EPHA6: variants seen among roughly 807,000 people sequenced by gnomAD.
The protein encoded by EPHA6 is ephrin type-A receptor 6.
A neutral mutation model predicts 112.0 loss-of-function variants in EPHA6; 50 were observed. The observed-to-expected ratio is 0.45, with a 90% CI of 0.36 to 0.56. The LOEUF (loss-of-function observed/expected upper bound fraction) is 0.56, where lower values mean the gene tolerates loss of function less well. Ranked by LOEUF, EPHA6 falls within the 20% of genes least tolerant of loss-of-function variation. EPHA6 has a pLI of 0.00. For missense variants in EPHA6, 1,280 were observed against 1,417.4 expected (o/e 0.90, Z 1.56); for synonymous variants, 529 against 490.7 (o/e 1.08, Z -1.03).
intron 3 of EPHA6, among the ~76,000 whole-genome samples, chr3:97,041,408 TG>T (rs1461192152): frequency 1.6e-4 from 24 of 152,228 alleles, no homozygotes; most frequent in African/African-American, 5.8e-4. Context: ...AAGCACTGAC[TG>T]CTGTCTTGTA....
chr3:97,143,936 T>G (rs2075973891), intron 3 of EPHA6, among the ~76,000 whole-genome samples: 1 of 151,008 alleles, frequency 6.6e-6, no homozygotes, highest in African/African-American at 2.5e-5. Flanking sequence ...GATTACATAA[T>G]TGTTTTGAGA....
chr3:97,455,556 T>C (rs1436237168), intron 7 of EPHA6, among the ~76,000 whole-genome samples: 5 of 152,034 alleles, frequency 3.3e-5, no homozygotes, highest in African/African-American at 1.2e-4. Context: ...TTTTTTATTA[T>C]TACCTCCAAT....
At chr3:96,816,272 C>A (rs1418427705) in intron 1 of EPHA6, among the ~76,000 whole-genome samples, 1 of 152,158 alleles carries the variant, frequency 6.6e-6, no homozygotes, top group South Asian at 2.1e-4. Context: ...TTTAAACTGA[C>A]AGAATGCAAT....
At chr3:96,908,060 G>A (rs1256082416) in intron 2 of EPHA6, among the ~76,000 whole-genome samples, 1 of 151,932 alleles carries the variant, frequency 6.6e-6, no homozygotes, top group Non-Finnish European at 1.5e-5. Context: ...TGTGTAGCAT[G>A]TTCCTGTATG....
chr3:97,454,770 A>G (rs1332222899), intron 7 of EPHA6, among the ~76,000 whole-genome samples: 1 of 151,860 alleles, frequency 6.6e-6, no homozygotes, highest in Admixed American at 6.6e-5. Context: ...TACTGCTTCA[A>G]TTACTTAGGA....
chr3:97,208,423 G>T (rs2077771264), intron 3 of EPHA6, among the ~76,000 whole-genome samples: 1 of 152,082 alleles, frequency 6.6e-6, no homozygotes, highest in Non-Finnish European at 1.5e-5. Flanking sequence ...TCATTATGAA[G>T]TTCAGGCACT....
intron 5 of EPHA6, among the ~76,000 whole-genome samples, chr3:97,313,173 G>A (rs2108758595): frequency 6.6e-6 from 1 of 151,476 alleles, no homozygotes; most frequent in East Asian, 1.9e-4. Context: ...TGGTATTTGT[G>A]TTTCTTTGTC....
intron 5 of EPHA6, among the ~76,000 whole-genome samples, chr3:97,404,699 A>T (rs183990420): frequency 1.3e-5 from 2 of 152,288 alleles, no homozygotes; most frequent in East Asian, 3.9e-4. Context: ...AAAGCTTATA[A>T]TATAAACTTT....
chr3:97,168,312 C>G (rs2076591267), intron 3 of EPHA6, among the ~76,000 whole-genome samples: 1 of 152,070 alleles, frequency 6.6e-6, no homozygotes, highest in Non-Finnish European at 1.5e-5. Context: ...GCTCTGTGTT[C>G]CCACCCAAAT....
intron 10 of EPHA6, among the ~76,000 whole-genome samples, chr3:97,508,454 C>G (rs555310203): frequency 6.6e-6 from 1 of 152,156 alleles, no homozygotes; most frequent in African/African-American, 2.4e-5. Context: ...TGTTGAGTTT[C>G]CATGTAGTTG....
At chr3:96,928,447 C>G (rs567697536) in intron 2 of EPHA6, among the ~76,000 whole-genome samples, 59 of 152,236 alleles carry the variant, frequency 3.9e-4, no homozygotes, top group African/African-American at 1.4e-3. Flanking sequence ...TGAGTTTAAT[C>G]TTTAGTTCTA....
At chr3:96,844,000 C>T (rs2034916329) in intron 1 of EPHA6, among the ~76,000 whole-genome samples, 1 of 151,942 alleles carries the variant, frequency 6.6e-6, no homozygotes, top group South Asian at 2.1e-4. Context: ...CTAAATCTTT[C>T]TTTCTTTGAA....
intron 3 of EPHA6, among the ~76,000 whole-genome samples, chr3:97,123,942 G>A (rs143543331): frequency 1.2e-4 from 19 of 152,026 alleles, no homozygotes; most frequent in Non-Finnish European, 2.2e-4. Flanking sequence ...CTCCTGAGTA[G>A]TTTATCTGAT....
chr3:96,876,140 T>C (rs189389314), intron 2 of EPHA6, among the ~76,000 whole-genome samples: 1 of 150,874 alleles, frequency 6.6e-6, no homozygotes, highest in East Asian at 1.9e-4. Flanking sequence ...TATATTTTTT[T>C]TTTTTTTGTA....
At chr3:97,560,864 A>G (rs2093179847) in intron 11 of EPHA6, among the ~76,000 whole-genome samples, 2 of 151,994 alleles carry the variant, frequency 1.3e-5, no homozygotes, top group Non-Finnish European at 2.9e-5. Context: ...TATCAGTGCC[A>G]TTTTTTCAAC....
At position 97,179,952 on chromosome 3, in the gene EPHA6, A is replaced by G. The variant is rs145851842; in HGVS notation, c.1115-46312A>G. 2.5e-3 allele frequency among the ~76,000 whole-genome samples: 384 copies of G among 152,194 alleles called. 3 individuals are homozygous for G. Among genetic ancestry groups the G allele is most frequent in the African/African-American group, 8.3e-3 (343 of 41,526 alleles). ...TTTATAATCAGCAGGTGGCAAAGTCAGCCAGGTCTGTTTCCTTGCCTTAAG... is the reference window on the plus strand; with the variant it reads ...TTTATAATCAGCAGGTGGCAAAGTCGGCCAGGTCTGTTTCCTTGCCTTAAG... On this transcript the variant is annotated intron_variant, in intron 3 of 17. Transcript: ENST00000389672.
At chr3:97,132,481 T>TTAA (rs1030110256) in intron 3 of EPHA6, among the ~76,000 whole-genome samples, 1 of 152,058 alleles carries the variant, frequency 6.6e-6, no homozygotes, top group African/African-American at 2.4e-5. Context: ...AGAAGTCCTG[T>TTAA]GTTAGTAAAG....
chr3:96,976,465 G>A (rs2042527017), intron 2 of EPHA6, among the ~76,000 whole-genome samples: 1 of 152,112 alleles, frequency 6.6e-6, no homozygotes. Context: ...AACACATGAT[G>A]TGTAGAGGTG....
At chr3:97,178,469 A>T (rs894230228) in intron 3 of EPHA6, among the ~76,000 whole-genome samples, 1 of 152,094 alleles carries the variant, frequency 6.6e-6, no homozygotes, top group African/African-American at 2.4e-5. Flanking sequence ...GTGACTATTC[A>T]TTGCTCATTG....
Sources: allele counts gnomAD v4.1 joint callset (sites outside exome capture counted in the v4.1 genomes callset), GRCh38; gene constraint gnomAD v4.1.1; transcripts MANE v1.5; gene names NCBI Gene and HGNC (gene_info 2026-07-23, HGNC 2026-07-21).